Variants in TP63 observed in about 807,000 individuals in gnomAD.
TP63 encodes the protein tumor protein p63, also known as tumor protein 63.
Under a neutral mutation model 82.8 loss-of-function variants are expected in TP63, and 17 were observed. The ratio of observed to expected loss-of-function variants is 0.21; its 90% CI spans 0.14 to 0.31. TP63 has a LOEUF of 0.31. TP63 is among the 10% of genes least tolerant of loss of function. TP63 has a pLI of 1.00. For missense variants in TP63, 648 were observed against 895.3 expected (o/e 0.72, Z 3.52); for synonymous variants, 330 against 321.7 (o/e 1.03, Z -0.28).
intron 3 of TP63, among the ~76,000 whole-genome samples, chr3:189,764,400 G>T (rs1327118536): frequency 6.6e-6 from 1 of 152,142 alleles, no homozygotes; most frequent in Non-Finnish European, 1.5e-5. Context: ...TGACTGGGAG[G>T]ATTACAGGTG....
chr3:189,789,760 C>T, intron 3 of TP63: 1 of 1,567,190 alleles, frequency 6.4e-7, no homozygotes, highest in Non-Finnish European at 8.6e-7. Flanking sequence ...ATCCTGGAGC[C>T]AGAAGAAAGG....
Position 189,726,380 on chromosome 3 carries a change from C to A in TP63, c.63-11360C>A, listed in dbSNP as rs1219031968. The stretch of plus-strand genomic sequence containing the variant: ...CGAACCATATGAACTTGGTAGCATT[C>A]CACCATTAACCTACAAAACAGGAAG... On this transcript the variant is annotated intron_variant, in intron 1 of 13. Coordinates refer to ENST00000264731, the MANE Select transcript of TP63 (RefSeq NM_003722.5). Among the ~76,000 whole-genome samples, 6 of 152,180 alleles carry A rather than the reference C, an allele frequency of 3.9e-5. No individual in the cohort carries two copies. In the East Asian group the frequency reaches 5.8e-4, roughly 15 times the overall value.
At chr3:189,850,293 TC>T (rs1054507666) in intron 4 of TP63, among the ~76,000 whole-genome samples, 45 of 150,610 alleles carry the variant, frequency 3.0e-4, no homozygotes, top group African/African-American at 1.1e-3. Context: ...CCGTACCCCT[TC>T]CCCCACCGCC....
chr3:189,604,997 A>C, the TP63 span, among the ~76,000 whole-genome samples: 1 of 152,298 alleles, frequency 6.6e-6, no homozygotes, highest in Admixed American at 6.5e-5. Context: ...TGTGCCAATG[A>C]CAAGGTTCTG....
At chr3:189,737,624 C>T (rs1476112021) in intron 1 of TP63, 116 bp from the exon 2 acceptor site, 1 of 1,283,728 alleles carries the variant, frequency 7.8e-7, no homozygotes, top group Non-Finnish European at 1.1e-6. Flanking sequence ...TACATATATA[C>T]CTGCATGGTT....
intron 1 of TP63, among the ~76,000 whole-genome samples, chr3:189,715,056 C>A (rs1367784004): frequency 6.6e-6 from 1 of 152,160 alleles, no homozygotes; most frequent in Non-Finnish European, 1.5e-5. Flanking sequence ...GTGCTTCATG[C>A]TGCTTCCAGA....
At chr3:189,719,436 T>C (rs1577298302) in intron 1 of TP63, among the ~76,000 whole-genome samples, 1 of 152,318 alleles carries the variant, frequency 6.6e-6, no homozygotes, top group East Asian at 1.9e-4. Context: ...CAGAAATCTG[T>C]TTATTCCTCC....
intron 1 of TP63, among the ~76,000 whole-genome samples, chr3:189,696,090 G>T (rs769111977): frequency 3.3e-5 from 5 of 151,870 alleles, no homozygotes; most frequent in African/African-American, 4.8e-5. Context: ...TTCATTACTT[G>T]TGCTATAAAG....
chr3:189,685,241 G>C (rs894201366), intron 1 of TP63, among the ~76,000 whole-genome samples: 1 of 152,198 alleles, frequency 6.6e-6, no homozygotes, highest in African/African-American at 2.4e-5. Flanking sequence ...AGGATGCTAA[G>C]GGGCTTGGTT....
At chr3:189,621,520 TATAG>T in the TP63 span, among the ~76,000 whole-genome samples, 15 of 151,988 alleles carry the variant, frequency 9.9e-5, no homozygotes, top group African/African-American at 3.4e-4. Flanking sequence ...ATATTTTATA[TATAG>T]AGAGAAATAT....
At chr3:189,842,243 C>T (rs1167685491) in intron 4 of TP63, among the ~76,000 whole-genome samples, 9 of 151,968 alleles carry the variant, frequency 5.9e-5, no homozygotes, top group African/African-American at 1.5e-4. Context: ...AGAGAGAGCG[C>T]GTGTATGTCA....
At chr3:189,867,768 A>G in intron 6 of TP63, 65 bp from the exon 7 acceptor site, 1 of 1,413,078 alleles carries the variant, frequency 7.1e-7, no homozygotes. Context: ...TAGAGGGAAG[A>G]ACTGAGAAGG....
intron 1 of TP63, among the ~76,000 whole-genome samples, chr3:189,637,132 A>G (rs142666645): frequency 2.0e-4 from 31 of 152,152 alleles, no homozygotes; most frequent in African/African-American, 6.5e-4. Context: ...AGACACACCA[A>G]TGAACCTAAT....
intron 3 of TP63, among the ~76,000 whole-genome samples, chr3:189,758,537 C>A (rs922595038): frequency 4.6e-5 from 7 of 152,202 alleles, no homozygotes; most frequent in African/African-American, 1.7e-4. Context: ...AAGGTCAAAC[C>A]AGGCACTTGA....
chr3:189,631,606 C>G (rs1320771447), intron 1 of TP63, 29 bp downstream of exon 1: 1 of 1,612,212 alleles, frequency 6.2e-7, no homozygotes, highest in Non-Finnish European at 8.5e-7. Flanking sequence ...TAACTTCTCT[C>G]AAAACTTAAT....
intron 1 of TP63, among the ~76,000 whole-genome samples, chr3:189,722,879 T>C (rs1719498903): frequency 6.6e-6 from 1 of 152,266 alleles, no homozygotes; most frequent in Non-Finnish European, 1.5e-5. Context: ...TGAGGACAGA[T>C]ATTTAGAGAA....
chr3:189,835,854 C>T (rs912801444), intron 4 of TP63, among the ~76,000 whole-genome samples: 1 of 151,538 alleles, frequency 6.6e-6, no homozygotes, highest in African/African-American at 2.4e-5. Context: ...GCAGAGGTTG[C>T]AGTGAGCCAA....
chr3:189,811,181 G>C lies in TP63; in HGVS notation c.579+2655G>C, dbSNP rs549201071. 1.4e-4 allele frequency among the ~76,000 whole-genome samples: 21 copies of C among 152,302 alleles called. No individual in the cohort carries two copies. The East Asian group carries it at 2.7e-3, about 20-fold the overall frequency. On this transcript the variant is annotated intron_variant, in intron 4 of 13. Transcript: ENST00000264731. ...AGTCACTTGATCTTTCTAAAATTCA[G>C]TCTGTGCCTCAGATGAGAAAGAGGA...
intron 10 of TP63, chr3:189,873,464 T>G (rs1255343112): frequency 5.0e-6 from 1 of 199,048 alleles, no homozygotes; most frequent in Non-Finnish European, 1.0e-5. Flanking sequence ...TAAAGTGACT[T>G]GTTTGAATGC....
Sources: allele counts gnomAD v4.1 joint callset (sites outside exome capture counted in the v4.1 genomes callset), GRCh38; gene constraint gnomAD v4.1.1; transcripts MANE v1.5; gene names NCBI Gene and HGNC (gene_info 2026-07-23, HGNC 2026-07-21).